Variants in SGCZ observed in about 807,000 individuals in gnomAD.
SGCZ encodes the protein sarcoglycan zeta.
A neutral mutation model predicts 41.3 loss-of-function variants in SGCZ; 40 were observed. The ratio of observed to expected loss-of-function variants is 0.97; its 90% CI spans 0.75 to 1.26. The LOEUF is 1.26. SGCZ is among the 50% of genes most tolerant of loss of function. The probability of loss-of-function intolerance (pLI) is 0.00; values close to 1 mark genes in which losing one functional copy is unlikely to be tolerated. For synonymous variants in SGCZ, 206 were observed against 137.5 expected (o/e 1.50, Z -3.49); for missense variants, 552 against 369.8 (o/e 1.49, Z -4.04).
At chr8:14,730,345 A>G (rs1810196364) in intron 1 of SGCZ, among the ~76,000 whole-genome samples, 1 of 152,190 alleles carries the variant, frequency 6.6e-6, no homozygotes, top group Non-Finnish European at 1.5e-5. Flanking sequence ...ATACATTTGT[A>G]TGTATACTGG....
chr8:14,825,393 C>A (rs1464915986), intron 1 of SGCZ, among the ~76,000 whole-genome samples: 1 of 152,216 alleles, frequency 6.6e-6, no homozygotes, highest in African/African-American at 2.4e-5. Context: ...TAATACGGAA[C>A]TTACTGAAGA....
chr8:14,795,199 T>TA (rs1801084332), intron 1 of SGCZ, among the ~76,000 whole-genome samples: 1 of 152,190 alleles, frequency 6.6e-6, no homozygotes, highest in Admixed American at 6.6e-5. Context: ...GTGAAAGATA[T>TA]ATTTGTTCCT....
chr8:14,408,350 T>G (rs1196548731), intron 2 of SGCZ, among the ~76,000 whole-genome samples: 1 of 152,140 alleles, frequency 6.6e-6, no homozygotes, highest in African/African-American at 2.4e-5. Context: ...TGTCCCAACG[T>G]CCTAGAAAGC....
intron 2 of SGCZ, among the ~76,000 whole-genome samples, chr8:14,535,366 G>T (rs1803261861): frequency 6.6e-6 from 1 of 151,622 alleles, no homozygotes; most frequent in Non-Finnish European, 1.5e-5. Context: ...GACTAAAAAT[G>T]CATCTAAGAA....
intron 2 of SGCZ, among the ~76,000 whole-genome samples, chr8:14,378,630 C>G (rs1221399046): frequency 6.6e-6 from 1 of 152,096 alleles, no homozygotes; most frequent in South Asian, 2.1e-4. Context: ...GACATGAGAA[C>G]CCTTGATTTA....
At chr8:15,216,895 T>C (rs1299477479) in intron 1 of SGCZ, among the ~76,000 whole-genome samples, 2 of 151,976 alleles carry the variant, frequency 1.3e-5, no homozygotes, top group Non-Finnish European at 2.9e-5. Context: ...TATAGAGAGA[T>C]TTTTGGGTAT....
intron 4 of SGCZ, among the ~76,000 whole-genome samples, chr8:14,177,054 C>G (rs1804564317): frequency 6.6e-6 from 1 of 151,998 alleles, no homozygotes; most frequent in Non-Finnish European, 1.5e-5. Context: ...AGACAAGGAT[C>G]GTAGAGAGTA....
At chr8:14,759,079 T>C (rs1799774508) in intron 1 of SGCZ, among the ~76,000 whole-genome samples, 1 of 151,870 alleles carries the variant, frequency 6.6e-6, no homozygotes, top group Non-Finnish European at 1.5e-5. Flanking sequence ...TGCAACTGTA[T>C]GGGGAAAGTG....
intron 1 of SGCZ, among the ~76,000 whole-genome samples, chr8:14,876,665 G>T (rs1804368133): frequency 2.0e-5 from 3 of 152,148 alleles, no homozygotes; most frequent in African/African-American, 7.2e-5. Flanking sequence ...AATGGTACAA[G>T]GTGCCAATAA....
intron 3 of SGCZ, chr8:14,309,295 AC>A: frequency 6.3e-7 from 1 of 1,582,982 alleles, no homozygotes; most frequent in East Asian, 2.2e-5. Flanking sequence ...GTGACTACTC[AC>A]TTTTTAAGGA....
chr8:15,097,753 C>A lies in SGCZ; in HGVS notation c.39+139832G>T, dbSNP rs199886363. Among the ~76,000 whole-genome samples the A allele has an allele frequency of 5.7e-5, 3 of 52,816 alleles. No individual in the cohort carries two copies. In the East Asian group the frequency reaches 1.5e-3, roughly 27 times the overall value. The allele number at this position is 52,816 out of a possible 152,430, so 34.6% of individuals were successfully genotyped here. A position where few individuals can be genotyped will look rare whatever the true frequency, so the allele number is the denominator to read the frequency against. ...AAAAAAAAATATATATATATATACA[C>A]GTATATATGTGTTTATATATATATA... On this transcript the variant is annotated intron_variant, in intron 1 of 7. Transcript: ENST00000382080.
intron 1 of SGCZ, among the ~76,000 whole-genome samples, chr8:15,036,760 G>A (rs910803157): frequency 6.6e-6 from 1 of 151,818 alleles, no homozygotes; most frequent in Non-Finnish European, 1.5e-5. Context: ...CTGATACTGG[G>A]TTAGGACAAT....
At chr8:15,187,447 C>G (rs1045612626) in intron 1 of SGCZ, among the ~76,000 whole-genome samples, 3 of 151,942 alleles carry the variant, frequency 2.0e-5, no homozygotes, top group African/African-American at 4.8e-5. Context: ...AAAATAATCT[C>G]CAGACAAATG....
intron 1 of SGCZ, among the ~76,000 whole-genome samples, chr8:14,605,113 A>G (rs1805707665): frequency 6.6e-6 from 1 of 152,294 alleles, no homozygotes; most frequent in African/African-American, 2.4e-5. Context: ...TTAATTTGTT[A>G]AAAGGGTTCA....
At chr8:14,962,938 G>C (rs1310674812) in intron 1 of SGCZ, among the ~76,000 whole-genome samples, 1 of 152,152 alleles carries the variant, frequency 6.6e-6, no homozygotes, top group Admixed American at 6.5e-5. Flanking sequence ...CAGGGGATTA[G>C]CCCTGTTCTA....
chr8:14,496,052 T>C (rs1801978307), intron 2 of SGCZ, among the ~76,000 whole-genome samples: 1 of 151,972 alleles, frequency 6.6e-6, no homozygotes, highest in Non-Finnish European at 1.5e-5. Flanking sequence ...GATCGTGTGG[T>C]CTCCTAGTAC....
At chr8:14,742,555 C>G (rs1720903034) in intron 1 of SGCZ, among the ~76,000 whole-genome samples, 1 of 151,972 alleles carries the variant, frequency 6.6e-6, no homozygotes. Context: ...TGTAAACAAG[C>G]TGAATTATCT....
In SGCZ at chr8:15,148,646, G is replaced by C. The variant is rs182801201; in HGVS notation, c.39+88939C>G. On this transcript the variant is annotated intron_variant, in intron 1 of 7. Coordinates refer to ENST00000382080, the MANE Select transcript of SGCZ (RefSeq NM_139167.4). ...TATTGTTGAGTCTCACTTATACTAC[G>C]GCTAATAGGTGTGAAGACAGAAGAT... Among the ~76,000 whole-genome samples the C allele has an allele frequency of 6.1e-3, 935 of 152,142 alleles. 4 individuals carry two copies. The highest frequency in any genetic ancestry group is 9.0e-3 in the Non-Finnish European group (613 of 68,016).
In SGCZ at chr8:14,164,567, C is replaced by T. The variant is rs201190658; in HGVS notation, c.547+13G>A. On this transcript the variant is annotated intron_variant, in intron 5 of 7. Transcript: ENST00000382080. ...AGAAGTAAACAATTTTTCAAGACCTCCATCTACAGTACCTGTAACTTTCAG... is the reference window on the plus strand; with the variant it reads ...AGAAGTAAACAATTTTTCAAGACCTTCATCTACAGTACCTGTAACTTTCAG... 3.1e-6 allele frequency: 5 copies of T among 1,612,700 alleles called. No homozygotes were observed. The highest frequency in any genetic ancestry group is 4.2e-6 in the Non-Finnish European group (5 of 1,179,308).
Sources: allele counts gnomAD v4.1 joint callset (sites outside exome capture counted in the v4.1 genomes callset), GRCh38; gene constraint gnomAD v4.1.1; transcripts MANE v1.5; gene names NCBI Gene and HGNC (gene_info 2026-07-23, HGNC 2026-07-21).